The following EFCAB14 variants were observed in gnomAD, a reference collection of about 807,000 sequenced individuals.
The protein encoded by EFCAB14 is EF-hand calcium binding domain 14, also known as EF-hand calcium-binding domain-containing protein 14.
Under a neutral mutation model 56.5 loss-of-function variants are expected in EFCAB14, and 43 were observed. The observed-to-expected ratio is 0.76, with a 90% CI of 0.60 to 0.98. The LOEUF is 0.98. EFCAB14 is among the 50% of genes least tolerant of loss of function. The pLI is 0.00. For synonymous variants in EFCAB14, 235 were observed against 212.9 expected, an observed-to-expected ratio of 1.10 and a Z score of -0.90; for missense variants, 538 against 580.3, an observed-to-expected ratio of 0.93 and a Z score of 0.75.
chr1:46,708,192 A>G (rs974391558), intron 2 of EFCAB14, 141 bp from the exon 3 acceptor site: 48 of 869,978 alleles, frequency 5.5e-5, no homozygotes, highest in Non-Finnish European at 7.1e-5. Flanking sequence ...ATGTAAATAT[A>G]TATCTTTCAC....
intron 3 of EFCAB14, among the ~76,000 whole-genome samples, chr1:46,704,484 A>G (rs1677207106): frequency 6.6e-6 from 1 of 150,988 alleles, no homozygotes; most frequent in African/African-American, 2.4e-5. Flanking sequence ...CTCAAAAAAA[A>G]AAAAAAAAAA....
At chr1:46,695,918 G>A (rs903862171) in intron 4 of EFCAB14, among the ~76,000 whole-genome samples, 1 of 152,064 alleles carries the variant, frequency 6.6e-6, no homozygotes, top group African/African-American at 2.4e-5. Flanking sequence ...GGGTTCAAGT[G>A]ATCCTCCTGG....
chr1:46,698,934 A>C (rs6671124), intron 3 of EFCAB14, among the ~76,000 whole-genome samples: 63,215 of 151,728 alleles, frequency 0.42, 15,579 homozygotes, highest in East Asian at 0.78. Flanking sequence ...AGTAAGAAGG[A>C]GATCTGTGTA....
At chr1:46,715,468 G>T (rs1220884391) in intron 2 of EFCAB14, among the ~76,000 whole-genome samples, 1 of 152,152 alleles carries the variant, frequency 6.6e-6, no homozygotes, top group Non-Finnish European at 1.5e-5. Context: ...CACAGAGTAG[G>T]CCTTCCACAA....
At chr1:46,708,763 G>C (rs1223681037) in intron 2 of EFCAB14, among the ~76,000 whole-genome samples, 1 of 152,190 alleles carries the variant, frequency 6.6e-6, no homozygotes, top group African/African-American at 2.4e-5. Flanking sequence ...GCTAGGTGAA[G>C]TATAGTATGA....
intron 4 of EFCAB14, among the ~76,000 whole-genome samples, chr1:46,694,826 C>T (rs535029884): frequency 2.6e-5 from 4 of 152,100 alleles, no homozygotes; most frequent in Admixed American, 2.0e-4. Context: ...TTGGAACCAA[C>T]CCAAATGTCC....
In EFCAB14 at chr1:46,718,676, T is replaced by C. The variant is rs1207512636; in HGVS notation, c.-589A>G. ...CAGCAGCTACAATCCCAACACTGCTTGGCCGCAGAGAAAATGCCCTGGCCA... is the reference window on the plus strand; with the variant it reads ...CAGCAGCTACAATCCCAACACTGCTCGGCCGCAGAGAAAATGCCCTGGCCA... On this transcript the variant is annotated 5_prime_UTR_variant, in exon 1 of 11. Coordinates refer to ENST00000371933, the MANE Select transcript of EFCAB14 (RefSeq NM_014774.3). The C allele has an allele frequency of 2.0e-5, 3 of 152,702 alleles. No homozygotes were observed. The highest frequency in any genetic ancestry group is 7.2e-5 in the African/African-American group (3 of 41,578). The allele number at this position is 152,702 out of a possible 1,614,324, so 9.5% of individuals were successfully genotyped here.
In EFCAB14 at chr1:46,676,919, T is replaced by C. The variant is rs1676704715; in HGVS notation, c.*1542A>G. 1 of 152,368 alleles carries C rather than the reference T, an allele frequency of 6.6e-6. No individual in the cohort carries two copies. Among genetic ancestry groups the C allele is most frequent in the African/African-American group, 2.4e-5 (1 of 41,364 alleles). The allele number at this position is 152,368 out of a possible 1,614,324, so 9.4% of individuals were successfully genotyped here. On this transcript the variant is annotated 3_prime_UTR_variant, in exon 11 of 11. Coordinates refer to ENST00000371933, the MANE Select transcript of EFCAB14 (RefSeq NM_014774.3). ...GTTTAAGGGTACCGGACTGTATCCA[T>C]GGTGAAGGGCAACCTGAACAAAGTT...
rs549415887 is a variant in EFCAB14 at position 46,686,816 on chromosome 1, T to C, written c.1042A>G (p.Arg348Gly). Residue 348 changes from arginine (R) to glycine (G), a missense_variant, in exon 8 of 11, where the codon AGA becomes GGA. Transcript: ENST00000371933. ...KRQSLDQVTNRTDTVKIQSIK... is the reference protein window; with the variant it reads ...KRQSLDQVTNGTDTVKIQSIK... ...CTTTGGATTTTTACTGTATCTGTTCTGTTGGTGACTTGATCCAAAGACTGT... is the reference window on the plus strand; with the variant it reads ...CTTTGGATTTTTACTGTATCTGTTCCGTTGGTGACTTGATCCAAAGACTGT... The C allele has an allele frequency of 9.3e-6, 15 of 1,613,878 alleles. No homozygotes were observed. In the South Asian group the frequency reaches 1.5e-4, roughly 17 times the overall value.
chr1:46,708,233 T>G (rs571942354), intron 2 of EFCAB14, among the ~76,000 whole-genome samples, 182 bp from the exon 3 acceptor site: 2 of 152,222 alleles, frequency 1.3e-5, no homozygotes, highest in African/African-American at 4.8e-5. Context: ...TGGGGCTATT[T>G]CACTGCTGGC....
intron 9 of EFCAB14, 94 bp downstream of exon 9, chr1:46,684,397 G>C: frequency 1.0e-6 from 1 of 991,158 alleles, no homozygotes; most frequent in Non-Finnish European, 1.6e-6. Context: ...CGCTTGGTGC[G>C]ATCAGTACTG....
At position 46,691,822 on chromosome 1, in the gene EFCAB14, C is replaced by T. The variant is rs777364382; in HGVS notation, c.690+5G>A. ...GGAGCATGCTGACTTGCTGGGTCTC[C>T]TTACCATATCACTCTGCAGTAATTC... is the stretch of plus-strand genomic sequence containing the variant. On this transcript the variant is annotated splice_donor_5th_base_variant and intron_variant, in intron 5 of 10. Transcript: ENST00000371933. 6.2e-7 allele frequency: 1 copy of T among 1,609,688 alleles called. No homozygotes were observed. Among genetic ancestry groups the T allele is most frequent in the Admixed American group, 1.7e-5 (1 of 59,436 alleles).
Position 46,708,049 on chromosome 1 carries a change from C to T in EFCAB14, c.337G>A (p.Glu113Lys), listed in dbSNP as rs1223550543. 1 of 1,609,346 alleles carries T rather than the reference C, an allele frequency of 6.2e-7. No homozygotes were observed. The highest frequency in any genetic ancestry group is 8.5e-7 in the Non-Finnish European group (1 of 1,178,910). ...DALKEKFRTM[E>K]SNQKSSFQEI... The stretch of plus-strand genomic sequence containing the variant: ...TGGAATGAGCTTTTCTGATTAGATT[C>T]CACTAAAAAGACAAAATAAGAACAA... The change falls in exon 3 of 11, where the codon GAA becomes AAA. Residue 113 changes from glutamate (E) to lysine (K), a missense_variant and splice_region_variant. Coordinates refer to ENST00000371933, the MANE Select transcript of EFCAB14 (RefSeq NM_014774.3).
In EFCAB14 at chr1:46,688,209, G is replaced by T. The variant is rs1480413026; in HGVS notation, c.987+144C>A. On this transcript the variant is annotated intron_variant, in intron 7 of 10. Transcript: ENST00000371933. ...CACACAGCTAGTGTGAGGATTAAAT[G>T]AGACAACACATTGTGAGGATTAAGC... 5 of 771,870 alleles carry T rather than the reference G, an allele frequency of 6.5e-6. No homozygotes were observed. The East Asian group carries it at 1.3e-4, about 20-fold the overall frequency. The allele number at this position is 771,870 out of a possible 1,614,324, so 47.8% of individuals were successfully genotyped here.
At chr1:46,696,809 A>C (rs1677083952) in intron 3 of EFCAB14, among the ~76,000 whole-genome samples, 160 bp from the exon 4 acceptor site, 2 of 152,340 alleles carry the variant, frequency 1.3e-5, no homozygotes, top group South Asian at 4.1e-4. Flanking sequence ...AGTACTTTGG[A>C]TAGAGTTGGG....
At chr1:46,688,306 C>T (rs781168462) in intron 7 of EFCAB14, 47 bp downstream of exon 7, 6 of 1,570,356 alleles carry the variant, frequency 3.8e-6, no homozygotes, top group Non-Finnish European at 4.4e-6. Context: ...GTTATCCATG[C>T]ACAGACAAAA....
At chr1:46,698,156 CAAAGAATTTAATTTAA>C (rs1327322168) in intron 3 of EFCAB14, among the ~76,000 whole-genome samples, 1 of 152,096 alleles carries the variant, frequency 6.6e-6, no homozygotes, top group Non-Finnish European at 1.5e-5. Context: ...TCCGGCTATG[CAAAGAATTTAATTTAA>C]ACAAAGCTCC....
chr1:46,706,380 A>G (rs1008252640), intron 3 of EFCAB14, among the ~76,000 whole-genome samples: 1 of 152,202 alleles, frequency 6.6e-6, no homozygotes, highest in Non-Finnish European at 1.5e-5. Flanking sequence ...AGAAACCAAC[A>G]TATGTACCAA....
At chr1:46,699,620 T>C (rs1569714593) in intron 3 of EFCAB14, among the ~76,000 whole-genome samples, 1 of 152,180 alleles carries the variant, frequency 6.6e-6, no homozygotes, top group Non-Finnish European at 1.5e-5. Context: ...GCTAGATAAG[T>C]AGTGAATTTA....
Sources: gnomAD v4.1 joint callset for allele counts (sites outside exome capture counted in the v4.1 genomes callset) on GRCh38, gnomAD v4.1.1 for gene constraint, MANE v1.5 for transcripts, NCBI Gene and HGNC (gene_info 2026-07-23, HGNC 2026-07-21) for gene names.